The following TSHZ3 variants were observed in gnomAD, a reference collection of about 807,000 sequenced individuals.
The protein encoded by TSHZ3 is teashirt homolog 3.
A neutral mutation model predicts 64.5 loss-of-function variants in TSHZ3; 10 were observed. The observed-to-expected ratio is 0.16, with a 90% CI of 0.10 to 0.26. The LOEUF (loss-of-function observed/expected upper bound fraction) is 0.26. Among genes scored for constraint, TSHZ3 ranks in the 10% least tolerant of loss-of-function variants. TSHZ3 has a pLI of 1.00. For synonymous variants in TSHZ3, 608 were observed against 593.1 expected, an observed-to-expected ratio of 1.03 and a Z score of -0.36; for missense variants, 1,242 against 1,421.7, an observed-to-expected ratio of 0.87 and a Z score of 2.03.
chr19:31,213,501 T>C (rs759825004), intron 4 of TSHZ3, among the ~76,000 whole-genome samples: 3 of 151,680 alleles, frequency 2.0e-5, no homozygotes, highest in Non-Finnish European at 2.9e-5. Context: ...CATGTCTTTG[T>C]ACATTTGTGT....
chr19:31,189,698 G>A (rs1281837286), intron 5 of TSHZ3, among the ~76,000 whole-genome samples: 1 of 151,958 alleles, frequency 6.6e-6, no homozygotes, highest in Non-Finnish European at 1.5e-5. Flanking sequence ...AAAAAAATGT[G>A]TATTATAAAG....
chr19:31,276,306 G>A lies in TSHZ3; in HGVS notation c.*241C>T, dbSNP rs14693. On this transcript the variant is annotated 3_prime_UTR_variant, in exon 2 of 2. Coordinates refer to ENST00000240587, the MANE Select transcript of TSHZ3 (RefSeq NM_020856.4). ...GGGAGGATGCTCACAACTAAATCCC[G>A]TTTACACAAAGTTCCAAACACTTAC... 4 of 364,618 alleles carry A rather than the reference G, an allele frequency of 1.1e-5. No homozygotes were observed. Among genetic ancestry groups the A allele is most frequent in the South Asian group, 1.1e-4 (1 of 8,700 alleles). 22.6% of individuals were successfully genotyped at this position (364,618 alleles called of 1,614,324 possible).
chr19:31,276,571 A>G lies in TSHZ3; in HGVS notation c.3222T>C (p.Tyr1074=), dbSNP rs1976236508. 1 of 1,572,676 alleles carries G rather than the reference A, an allele frequency of 6.4e-7. No individual in the cohort carries two copies. The highest frequency in any genetic ancestry group is 8.7e-7 in the Non-Finnish European group (1 of 1,155,162). Reference sequence around the variant, plus strand: ...GCTACTGCTTCTCTAACTCAGAGACATACAGAAGGTGGTCTTCCGGAGATT... The same window carrying G: ...GCTACTGCTTCTCTAACTCAGAGACGTACAGAAGGTGGTCTTCCGGAGATT... ...HGKSPEDHLL[Y]VSELEKQ is the part of the protein sequence containing the mutation. Residue 1074 remains tyrosine, a synonymous_variant, in exon 2 of 2, where the codon TAT becomes TAC. Coordinates refer to ENST00000240587, the MANE Select transcript of TSHZ3 (RefSeq NM_020856.4).
chr19:31,299,967 A>G (rs1206393288), intron 1 of TSHZ3, among the ~76,000 whole-genome samples: 1 of 152,230 alleles, frequency 6.6e-6, no homozygotes, highest in African/African-American at 2.4e-5. Flanking sequence ...AAGTTAATTG[A>G]ATTTAAGATC....
chr19:31,162,167 G>T (rs1315154266), intron 5 of TSHZ3, among the ~76,000 whole-genome samples: 1 of 152,096 alleles, frequency 6.6e-6, no homozygotes, highest in Non-Finnish European at 1.5e-5. Flanking sequence ...TGAGTTCCTT[G>T]CGTGTCCTAT....
chr19:31,155,293 T>TA (rs1376413184), intron 6 of TSHZ3, among the ~76,000 whole-genome samples: 1 of 152,220 alleles, frequency 6.6e-6, no homozygotes, highest in Non-Finnish European at 1.5e-5. Flanking sequence ...TTGCCTTAGA[T>TA]AACCCCTTCC....
chr19:31,251,266 C>G (rs1975837960), intron 1 of TSHZ3, among the ~76,000 whole-genome samples: 2 of 152,106 alleles, frequency 1.3e-5, no homozygotes, highest in African/African-American at 4.8e-5. Context: ...CTGCCTGGGA[C>G]CTGCATCCTT....
chr19:31,285,990 C>A (rs1259496890), intron 1 of TSHZ3, among the ~76,000 whole-genome samples: 1 of 152,054 alleles, frequency 6.6e-6, no homozygotes, highest in African/African-American at 2.4e-5. Flanking sequence ...CAAAGAAGCA[C>A]ACAGAAGTGA....
intron 5 of TSHZ3, among the ~76,000 whole-genome samples, chr19:31,181,541 G>A (rs532482451): frequency 7.2e-5 from 11 of 152,220 alleles, no homozygotes; most frequent in African/African-American, 2.4e-4. Context: ...GAGGGAGAAC[G>A]GAGACAGTGG....
At chr19:31,273,530 T>C (rs1238402560), downstream of TSHZ3, among the ~76,000 whole-genome samples, 1 of 152,184 alleles carries the variant, frequency 6.6e-6, no homozygotes, top group Non-Finnish European at 1.5e-5. Flanking sequence ...TCAAGCCACA[T>C]GGGCCCTGGT....
intron 1 of TSHZ3, among the ~76,000 whole-genome samples, chr19:31,339,066 T>G (rs1380119662): frequency 1.3e-5 from 2 of 152,142 alleles, no homozygotes; most frequent in Non-Finnish European, 2.9e-5. Flanking sequence ...TCAATCTTTT[T>G]TTAAGGAACA....
chr19:31,277,723 A>G lies in TSHZ3; in HGVS notation c.2070T>C (p.Asn690=), dbSNP rs769175996. 4 of 1,522,372 alleles carry G rather than the reference A, an allele frequency of 2.6e-6. No individual in the cohort carries two copies. Among genetic ancestry groups the G allele is most frequent in the South Asian group, 2.7e-5 (2 of 75,328 alleles). The allele number at this position is 1,522,372 out of a possible 1,614,324, so 94.3% of individuals were successfully genotyped here. The change falls in exon 2 of 2, where the codon AAT becomes AAC. Residue 690 remains asparagine, a synonymous_variant. Coordinates refer to ENST00000240587, the MANE Select transcript of TSHZ3 (RefSeq NM_020856.4). This position sits in a 1 kb window ranked among gnomAD's most constrained non-coding sequence, Gnocchi z 4.5. ...DGSPLAEPVE[N]GKELVKPLAS... ...CTAGGGGCTTCACCAGCTCCTTGCC[A>G]TTCTCCACCGGCTCAGCGAGGGGGC...
chr19:31,326,562 G>A (rs1009116070), intron 1 of TSHZ3, among the ~76,000 whole-genome samples: 5 of 152,226 alleles, frequency 3.3e-5, no homozygotes, highest in African/African-American at 1.2e-4. Flanking sequence ...CCAGATGCTC[G>A]GAGCCTGCAC....
chr19:31,194,149 T>C (rs1038933014), intron 5 of TSHZ3, among the ~76,000 whole-genome samples: 2 of 152,320 alleles, frequency 1.3e-5, no homozygotes, highest in African/African-American at 4.8e-5. Flanking sequence ...CTGTAATTGA[T>C]GACTTATTGG....
At chr19:31,292,590 A>T (rs1031161840) in intron 1 of TSHZ3, among the ~76,000 whole-genome samples, 1 of 152,190 alleles carries the variant, frequency 6.6e-6, no homozygotes, top group Non-Finnish European at 1.5e-5. Flanking sequence ...TTTACATGGA[A>T]GACGAAGCAA....
intron 1 of TSHZ3, among the ~76,000 whole-genome samples, chr19:31,255,854 C>G (rs1248252540): frequency 6.6e-6 from 1 of 152,164 alleles, no homozygotes; most frequent in Non-Finnish European, 1.5e-5. Context: ...CAATCCTGTT[C>G]AAGTGTTGCT....
At chr19:31,306,579 G>C (rs1427139368) in intron 1 of TSHZ3, among the ~76,000 whole-genome samples, 1 of 152,158 alleles carries the variant, frequency 6.6e-6, no homozygotes, top group Non-Finnish European at 1.5e-5. Context: ...GTATGCGTGT[G>C]TGTGTATGTG....
intron 5 of TSHZ3, among the ~76,000 whole-genome samples, chr19:31,169,124 A>AAG (rs796153930): frequency 9.9e-5 from 15 of 151,448 alleles, no homozygotes; most frequent in South Asian, 2.1e-4. Context: ...TGAAAAAAAA[A>AAG]AGAGAGAGAG....
intron 1 of TSHZ3, among the ~76,000 whole-genome samples, chr19:31,326,824 A>C (rs1916944118): frequency 6.6e-6 from 1 of 152,216 alleles, no homozygotes; most frequent in African/African-American, 2.4e-5. Context: ...CCTTACTGTA[A>C]ACATTTGTGC....
Sources: gnomAD v4.1 joint callset for allele counts (sites outside exome capture counted in the v4.1 genomes callset) on GRCh38, gnomAD v4.1.1 for gene constraint, Gnocchi (gnomAD v3.1) non-coding constraint, MANE v1.5 for transcripts, NCBI Gene and HGNC (gene_info 2026-07-23, HGNC 2026-07-21) for gene names.